Variants in PEX1 observed in about 807,000 individuals in gnomAD.
PEX1 encodes peroxisomal biogenesis factor 1, also known as peroxisomal ATPase PEX1.
A neutral mutation model predicts 152.5 loss-of-function variants in PEX1; 97 were observed. The ratio of observed to expected loss-of-function variants is 0.64; its 90% CI spans 0.54 to 0.75. The LOEUF (loss-of-function observed/expected upper bound fraction) is 0.75. Among genes scored for constraint, PEX1 ranks in the 30% least tolerant of loss-of-function variants. The pLI, the probability that PEX1 is intolerant of heterozygous loss-of-function variation, is 0.00. For missense variants in PEX1, 1,357 were observed against 1,516.3 expected (o/e 0.89, Z 1.74); for synonymous variants, 485 against 531.6 (o/e 0.91, Z 1.21).
rs1333919815 is a variant in PEX1, at chr7:92,500,894, G to A, written c.2583+613C>T. ...TTCAAGGACTGACATCCCGGGTCTG[G>A]AAATCTAGCTTCACCCATCAGTCCT... On this transcript the variant is annotated intron_variant, in intron 15 of 23. Coordinates refer to ENST00000248633, the MANE Select transcript of PEX1 (RefSeq NM_000466.3). Among the ~76,000 whole-genome samples the A allele has an allele frequency of 2.6e-5, 4 of 152,142 alleles. No individual in the cohort carries two copies. In the East Asian group the frequency reaches 7.7e-4, roughly 29 times the overall value.
At chr7:92,494,745 T>C in intron 17 of PEX1, 116 bp from the exon 18 acceptor site, 3 of 595,548 alleles carry the variant, frequency 5.0e-6, no homozygotes, top group Non-Finnish European at 7.4e-6. Context: ...TATATACTTC[T>C]TTTAATTTTT....
chr7:92,501,547 A>G lies in PEX1; in HGVS notation c.2543T>C (p.Val848Ala). 6.2e-7 allele frequency: 1 copy of G among 1,613,918 alleles called. No individual in the cohort carries two copies. Among genetic ancestry groups the G allele is most frequent in the Non-Finnish European group, 8.5e-7 (1 of 1,179,824 alleles). ...GWDKIGGLHEVRQILMDTIQL... is the reference protein window; with the variant it reads ...GWDKIGGLHEARQILMDTIQL... ...GATAGTATCCATGAGTATCTGCCTA[A>G]CTTCATGTAACCCACCAATCTTGTC... The change falls in exon 15 of 24, where the codon GTT (valine) becomes GCT (alanine). Residue 848 changes from valine to alanine, a missense_variant. Coordinates refer to ENST00000248633, the MANE Select transcript of PEX1 (RefSeq NM_000466.3).
In PEX1 at chr7:92,517,779, A is replaced by G. The variant is rs756008614; in HGVS notation, c.736T>C (p.Trp246Arg). ...PVDSSSVASLWTMIGSIFSFQ... is the reference protein window; with the variant it reads ...PVDSSSVASLRTMIGSIFSFQ... The stretch of plus-strand genomic sequence containing the variant: ...GAAAAAATGCTTCCTATCATAGTCC[A>G]TAAACTTGCTACTGATGATGAGTCA... Residue 246 changes from tryptophan to arginine, a missense_variant, in exon 5 of 24, where the codon TGG becomes CGG. Physicochemically the swap from Trp to Arg is moderately radical, Grantham distance 101. Coordinates refer to ENST00000248633, the MANE Select transcript of PEX1 (RefSeq NM_000466.3). 6.3e-7 allele frequency: 1 copy of G among 1,579,646 alleles called. No individual in the cohort carries two copies. Among genetic ancestry groups the G allele is most frequent in the African/African-American group, 1.4e-5 (1 of 73,610 alleles).
intron 20 of PEX1, 28 bp downstream of exon 20, chr7:92,492,925 G>A: frequency 1.9e-6 from 3 of 1,574,322 alleles, no homozygotes; most frequent in Non-Finnish European, 2.6e-6. Context: ...CTCATAAAAT[G>A]TCATAACAAC....
chr7:92,491,595 T>A, intron 20 of PEX1, 93 bp from the exon 21 acceptor site: 1 of 765,628 alleles, frequency 1.3e-6, no homozygotes, highest in South Asian at 1.5e-5. Context: ...ATTAGAGCAA[T>A]ACAAGAAACT....
intron 23 of PEX1, 56 bp downstream of exon 23, chr7:92,489,237 A>G: frequency 6.9e-7 from 1 of 1,449,088 alleles, no homozygotes; most frequent in Non-Finnish European, 9.7e-7. Flanking sequence ...GTTTAAGTGT[A>G]ATACTATGTC....
In PEX1 at chr7:92,489,900, A is replaced by T. The variant is rs1459743428; in HGVS notation, c.3450T>A (p.Cys1150Ter). ...NGTSSDLSSQ[C>*]LSAPSSMTQD... The stretch of plus-strand genomic sequence containing the variant: ...GAGTCATGGAGCTTGGTGCAGAGAG[A>T]CATTGTGAGCTCTGCATGGTAAATT... Residue 1150 changes from cysteine to a stop codon, truncating the protein, a stop_gained, in exon 22 of 24, where the codon TGT (cysteine) becomes TGA (stop). Coordinates refer to ENST00000248633, the MANE Select transcript of PEX1 (RefSeq NM_000466.3). LOFTEE classifies it high-confidence loss of function. The T allele has an allele frequency of 1.2e-6, 2 of 1,613,452 alleles. No homozygotes were observed. Among genetic ancestry groups the T allele is most frequent in the Non-Finnish European group, 1.7e-6 (2 of 1,179,428 alleles).
Position 92,528,471 on chromosome 7 carries a change from G to A in PEX1, c.-36C>T, listed in dbSNP as rs951199840. On this transcript the variant is annotated 5_prime_UTR_variant, in exon 1 of 24. Transcript: ENST00000248633. ...CGTCGCTCTGGGTTCGCCCACCCTA[G>A]CGCCGCAAAGGACCCGGGACCCGGC... The A allele has an allele frequency of 1.3e-6, 2 of 1,546,884 alleles. No individual in the cohort carries two copies. Among genetic ancestry groups the A allele is most frequent in the African/African-American group, 2.7e-5 (2 of 73,272 alleles).
intron 2 of PEX1, among the ~76,000 whole-genome samples, chr7:92,521,723 C>T (rs1055288791): frequency 8.5e-5 from 13 of 152,192 alleles, no homozygotes; most frequent in Admixed American, 8.5e-4. Context: ...AGGTGTGAGC[C>T]ACCGCACCCA....
At chr7:92,499,572 A>G (rs984776266) in intron 16 of PEX1, 132 bp downstream of exon 16, 18 of 750,148 alleles carry the variant, frequency 2.4e-5, no homozygotes, top group Admixed American at 9.0e-5. Context: ...AAAAGTTTTG[A>G]AATTAGAGAG....
chr7:92,520,080 T>C (rs572973570), intron 2 of PEX1, among the ~76,000 whole-genome samples: 1 of 151,486 alleles, frequency 6.6e-6, no homozygotes, highest in Non-Finnish European at 1.5e-5. Flanking sequence ...CTTAGTGGCA[T>C]TGCTGCAATA....
chr7:92,514,449 TTGAC>T (rs1792628113), intron 5 of PEX1, among the ~76,000 whole-genome samples: 1 of 152,238 alleles, frequency 6.6e-6, no homozygotes, highest in African/African-American at 2.4e-5. Flanking sequence ...ATGTATGTAT[TTGAC>T]TGTATTCACC....
Position 92,528,508 on chromosome 7 carries a change from G to A in PEX1, c.-73C>T. ...ACCCGGGACCCGGCAGGCCGAGGAC[G>A]TCGGAGCCGGAGGAGATCGATCGGC... On this transcript the variant is annotated 5_prime_UTR_variant, in exon 1 of 24. It adds an upstream start codon to the 5' untranslated region. Transcript: ENST00000248633. 1 of 1,481,554 alleles carries A rather than the reference G, an allele frequency of 6.7e-7. No individual in the cohort carries two copies. The highest frequency in any genetic ancestry group is 9.0e-7 in the Non-Finnish European group (1 of 1,116,254). 91.8% of individuals were successfully genotyped at this position (1,481,554 alleles called of 1,614,324 possible).
chr7:92,528,457 G>A lies in PEX1; in HGVS notation c.-22C>T, dbSNP rs1024183607. 6.4e-7 allele frequency: 1 copy of A among 1,568,888 alleles called. No homozygotes were observed. The highest frequency in any genetic ancestry group is 1.4e-5 in the African/African-American group (1 of 74,060). ...ACATCGTCCCGGAGCGTCGCTCTGG[G>A]TTCGCCCACCCTAGCGCCGCAAAGG... On this transcript the variant is annotated 5_prime_UTR_variant, in exon 1 of 24. Coordinates refer to ENST00000248633, the MANE Select transcript of PEX1 (RefSeq NM_000466.3).
rs1158072780 is a variant in PEX1, at chr7:92,522,844, T to A, written c.130-599A>T. 2.7e-4 allele frequency among the ~76,000 whole-genome samples: 41 copies of A among 152,222 alleles called. 1 individual carries two copies. Among genetic ancestry groups the A allele is most frequent in the Admixed American group, 2.7e-3 (41 of 15,282 alleles). On this transcript the variant is annotated intron_variant, in intron 1 of 23. Coordinates refer to ENST00000248633, the MANE Select transcript of PEX1 (RefSeq NM_000466.3). Reference sequence around the variant, plus strand: ...TTATTGGAAGAATAATAAATGCATGTGGCAAAAGCACAAAACGTACAAAAG... The same window carrying A: ...TTATTGGAAGAATAATAAATGCATGAGGCAAAAGCACAAAACGTACAAAAG...
rs1482227380 is a variant in PEX1 at position 92,504,751 on chromosome 7, C to G, written c.2052G>C (p.Gln684His). The G allele has an allele frequency of 1.2e-5, 20 of 1,614,048 alleles. No homozygotes were observed. Among genetic ancestry groups the G allele is most frequent in the Non-Finnish European group, 1.7e-5 (20 of 1,180,034 alleles). ...ATTTACCATGAGCAAGCCGCTGGCT[C>G]TGCACCGCATCAGGACTGTGCTCAT... ...PEHEHSPDAV[Q>H]SQRLAHALND... Residue 684 changes from glutamine (Q) to histidine (H), a missense_variant, in exon 12 of 24, where the codon CAG (glutamine) becomes CAC (histidine). Gln to His is a conservative substitution (Grantham distance 24, BLOSUM62 0). Coordinates refer to ENST00000248633, the MANE Select transcript of PEX1 (RefSeq NM_000466.3).
Position 92,506,372 on chromosome 7 carries a change from C to T in PEX1, c.1804-28G>A, listed in dbSNP as rs10236856. The T allele has an allele frequency of 0.08, 106,725 of 1,332,584 alleles. 4,523 individuals carry two copies. The highest frequency in any genetic ancestry group is 0.083 in the Non-Finnish European group (77,067 of 923,606). 82.5% of individuals were successfully genotyped at this position (1,332,584 alleles called of 1,614,324 possible). On this transcript the variant is annotated intron_variant, in intron 10 of 23. Coordinates refer to ENST00000248633, the MANE Select transcript of PEX1 (RefSeq NM_000466.3). ...AGAAAATAATTGCTTTATAGGAATT[C>T]CCAATATATTCAGTCACAGAAATAG... is the stretch of plus-strand genomic sequence containing the variant.
At chr7:92,489,482 T>G in intron 22 of PEX1, 59 bp from the exon 23 acceptor site, 1 of 1,462,846 alleles carries the variant, frequency 6.8e-7, no homozygotes, top group Non-Finnish European at 9.5e-7. Flanking sequence ...AAAAATGTGG[T>G]AGTCCAGTTG....
intron 23 of PEX1, 28 bp from the exon 24 acceptor site, chr7:92,487,569 T>C: frequency 1.9e-6 from 2 of 1,058,024 alleles, no homozygotes; most frequent in Non-Finnish European, 2.9e-6. Context: ...TAATTTAATA[T>C]GTATAAATAC....
Sources: allele counts gnomAD v4.1 joint callset (sites outside exome capture counted in the v4.1 genomes callset), GRCh38; gene constraint gnomAD v4.1.1; transcripts MANE v1.5; gene names NCBI Gene and HGNC (gene_info 2026-07-23, HGNC 2026-07-21).